The following TENM4 variants were observed in gnomAD, a reference collection of about 807,000 sequenced individuals.
TENM4 encodes teneurin-4.
TENM4 carries 82 observed loss-of-function variants against 243.3 expected under a neutral mutation model. That is an observed-to-expected ratio of 0.34 (90% CI 0.28 to 0.40). TENM4 has a LOEUF of 0.40. Among genes scored for constraint, TENM4 ranks in the 10% least tolerant of loss-of-function variants. The pLI is 1.00. For missense variants in TENM4, 3,138 were observed against 3,673.3 expected (o/e 0.85, Z 3.77); for synonymous variants, 1,412 against 1,456.3 (o/e 0.97, Z 0.69).
intron 6 of TENM4, among the ~76,000 whole-genome samples, chr11:78,952,865 C>G (rs1857132920): frequency 6.6e-6 from 1 of 152,082 alleles, no homozygotes; most frequent in Admixed American, 6.6e-5. Context: ...TTGGTGAGGT[C>G]ACTGAGATAG....
chr11:79,037,369 C>A (rs1181448679), intron 6 of TENM4, among the ~76,000 whole-genome samples: 1 of 152,204 alleles, frequency 6.6e-6, no homozygotes, highest in Admixed American at 6.5e-5. Context: ...GGGGGCAGAG[C>A]CTTAGGAGTT....
At chr11:78,676,599 G>A (rs557821324) in intron 29 of TENM4, among the ~76,000 whole-genome samples, 200 of 152,346 alleles carry the variant, frequency 1.3e-3, no homozygotes, top group Non-Finnish European at 1.7e-3. Context: ...TTGTATGTTT[G>A]TAGATTTTAG....
At chr11:79,354,955 G>A (rs1243078886) in intron 1 of TENM4, among the ~76,000 whole-genome samples, 1 of 152,234 alleles carries the variant, frequency 6.6e-6, no homozygotes. Flanking sequence ...GTGAACAAAT[G>A]TGAACCTGAA....
chr11:79,320,841 T>G (rs1486645144), intron 1 of TENM4, among the ~76,000 whole-genome samples: 1 of 152,140 alleles, frequency 6.6e-6, no homozygotes, highest in East Asian at 1.9e-4. Context: ...TAGCTTTCAT[T>G]TTAGGGATGA....
At chr11:78,823,051 C>G (rs1857769902) in intron 12 of TENM4, among the ~76,000 whole-genome samples, 1 of 152,236 alleles carries the variant, frequency 6.6e-6, no homozygotes, top group African/African-American at 2.4e-5. Flanking sequence ...ACACTCTGGG[C>G]TCTTGTTCTG....
chr11:78,890,096 G>T, intron 8 of TENM4, 76 bp from the exon 9 acceptor site: 1 of 1,221,784 alleles, frequency 8.2e-7, no homozygotes, highest in East Asian at 2.6e-5. Flanking sequence ...GGAGGCCAGA[G>T]GCGGCAGTAG....
At position 78,722,760 on chromosome 11, in the gene TENM4, G is replaced by A; in HGVS notation, c.3708C>T (p.Thr1236=). Residue 1236 remains threonine (T), a synonymous_variant, in exon 24 of 34, where the codon ACC becomes ACT. Coordinates refer to ENST00000278550, the MANE Select transcript of TENM4 (RefSeq NM_001098816.3). ...GNKLLAPVAL[T]CGSDGSLYVG... is the part of the protein sequence containing the mutation. ...CATAGAGGCTCCCGTCAGAGCCACA[G>A]GTGAGGGCCACTGGGGCCAGGAGCT... 6.2e-7 allele frequency: 1 copy of A among 1,614,082 alleles called. No individual in the cohort carries two copies. Among genetic ancestry groups the A allele is most frequent in the East Asian group, 2.2e-5 (1 of 44,892 alleles).
chr11:79,300,406 A>G (rs1411809273), intron 1 of TENM4, among the ~76,000 whole-genome samples: 1 of 152,184 alleles, frequency 6.6e-6, no homozygotes, highest in African/African-American at 2.4e-5. Flanking sequence ...CTACTGATGG[A>G]CACAGCATTA....
At chr11:79,085,269 C>T (rs1282023860) in intron 4 of TENM4, among the ~76,000 whole-genome samples, 2 of 150,852 alleles carry the variant, frequency 1.3e-5, no homozygotes. Context: ...TCCAGCTACT[C>T]AGGAGGCTGA....
chr11:78,724,020 C>T (rs1855458498), intron 23 of TENM4, among the ~76,000 whole-genome samples: 1 of 151,058 alleles, frequency 6.6e-6, no homozygotes, highest in Non-Finnish European at 1.5e-5. Flanking sequence ...GCCTACCCTC[C>T]CTCCTTCCCT....
At chr11:79,232,089 A>G (rs367787107) in intron 2 of TENM4, among the ~76,000 whole-genome samples, 3 of 152,324 alleles carry the variant, frequency 2.0e-5, no homozygotes, top group African/African-American at 7.2e-5. Flanking sequence ...AAAAGAAAAA[A>G]GAAAAAGCAA....
At chr11:79,016,084 C>T (rs1026529986) in intron 6 of TENM4, among the ~76,000 whole-genome samples, 1 of 152,048 alleles carries the variant, frequency 6.6e-6, no homozygotes, top group Non-Finnish European at 1.5e-5. Context: ...TAGAGTGGAT[C>T]CCAGACAAGG....
chr11:78,747,625 C>A (rs963340001), intron 19 of TENM4, among the ~76,000 whole-genome samples: 1 of 152,148 alleles, frequency 6.6e-6, no homozygotes, highest in African/African-American at 2.4e-5. Context: ...ACACAGAGGC[C>A]GCATCCCTCC....
intron 12 of TENM4, among the ~76,000 whole-genome samples, chr11:78,843,955 C>T (rs1030172513): frequency 2.0e-5 from 3 of 152,186 alleles, no homozygotes; most frequent in South Asian, 2.1e-4. Flanking sequence ...TGATGCCTGA[C>T]CTTCTTGCTA....
chr11:79,354,263 T>C (rs946554269), intron 1 of TENM4, among the ~76,000 whole-genome samples: 1 of 152,186 alleles, frequency 6.6e-6, no homozygotes, highest in African/African-American at 2.4e-5. Context: ...GACACGGAGA[T>C]CTTCGGGGAA....
At chr11:78,867,588 A>G (rs571672211) in intron 9 of TENM4, among the ~76,000 whole-genome samples, 2 of 152,360 alleles carry the variant, frequency 1.3e-5, no homozygotes. Flanking sequence ...CATGAAATAC[A>G]TATGATCGAG....
chr11:78,986,935 T>G (rs1308209609), intron 6 of TENM4, among the ~76,000 whole-genome samples: 2 of 152,196 alleles, frequency 1.3e-5, no homozygotes, highest in African/African-American at 2.4e-5. Flanking sequence ...TTCCCTCAAC[T>G]GTCAAATGAA....
intron 5 of TENM4, among the ~76,000 whole-genome samples, chr11:79,066,002 C>T (rs7937442): frequency 0.9 from 137,613 of 152,210 alleles, 62,614 homozygotes; most frequent in Middle Eastern, 0.99. Context: ...CTTAACGTGA[C>T]GATCTGGAGA....
intron 1 of TENM4, among the ~76,000 whole-genome samples, chr11:79,393,592 C>A (rs959823323): frequency 6.6e-6 from 1 of 152,142 alleles, no homozygotes; most frequent in Non-Finnish European, 1.5e-5. Context: ...TTAACAATGG[C>A]AAATGAGATT....
Sources: allele counts gnomAD v4.1 joint callset (sites outside exome capture counted in the v4.1 genomes callset), GRCh38; gene constraint gnomAD v4.1.1; transcripts MANE v1.5; gene names NCBI Gene and HGNC (gene_info 2026-07-23, HGNC 2026-07-21).